Variants in ROBO2 observed in about 807,000 individuals in gnomAD.
The protein encoded by ROBO2 is roundabout guidance receptor 2, also known as roundabout homolog 2.
ROBO2 carries 53 observed loss-of-function variants against 160.8 expected under a neutral mutation model. That is an observed-to-expected ratio of 0.33 (90% CI 0.26 to 0.41). The LOEUF is 0.41. Among genes scored for constraint, ROBO2 ranks in the 10% least tolerant of loss-of-function variants. The probability of loss-of-function intolerance (pLI) is 1.00; values close to 1 mark genes in which losing one functional copy is unlikely to be tolerated. For synonymous variants in ROBO2, 664 were observed against 611.7 expected (o/e 1.09, Z -1.26); for missense variants, 1,577 against 1,722.4 (o/e 0.92, Z 1.49).
chr3:77,625,103 A>G (rs771943721), intron 23 of ROBO2, among the ~76,000 whole-genome samples: 5 of 152,178 alleles, frequency 3.3e-5, no homozygotes, highest in Non-Finnish European at 7.3e-5. Flanking sequence ...TATAACAACT[A>G]ATTTGTGAGG....
At chr3:77,225,550 A>G (rs935663815) in intron 2 of ROBO2, among the ~76,000 whole-genome samples, 1 of 151,872 alleles carries the variant, frequency 6.6e-6, no homozygotes, top group African/African-American at 2.4e-5. Context: ...GCCGTGCATT[A>G]TCAGGCAACC....
chr3:77,407,623 A>G (rs2076357340), intron 2 of ROBO2, among the ~76,000 whole-genome samples: 1 of 152,222 alleles, frequency 6.6e-6, no homozygotes, highest in Non-Finnish European at 1.5e-5. Context: ...ATGTATCAGG[A>G]GTTAATTAAG....
At position 77,518,818 on chromosome 3, in the gene ROBO2, G is replaced by A. The variant is rs188947545; in HGVS notation, c.807-3957G>A. ...TACTAATTCCTAGGAACTATGCTGG[G>A]CACTGTTATAGGCTAGACCGTTAAA... On this transcript the variant is annotated intron_variant, in intron 5 of 25. Coordinates refer to ENST00000461745, the Ensembl canonical transcript of ROBO2. Among the ~76,000 whole-genome samples, 518 of 151,530 alleles carry A rather than the reference G, an allele frequency of 3.4e-3. 6 individuals carry two copies. The highest frequency in any genetic ancestry group is 0.012 in the African/African-American group (498 of 41,438).
At chr3:77,566,751 G>T (rs1261531276) in intron 12 of ROBO2, among the ~76,000 whole-genome samples, 1 of 152,016 alleles carries the variant, frequency 6.6e-6, no homozygotes, top group African/African-American at 2.4e-5. Context: ...AGAATATATA[G>T]AGTGAAAGAC....
intron 2 of ROBO2, among the ~76,000 whole-genome samples, chr3:76,545,911 A>G (rs17800491): frequency 0.047 from 7,184 of 151,906 alleles, 197 homozygotes; most frequent in African/African-American, 0.075. Flanking sequence ...CGAAAACAGT[A>G]TATTTCCATG....
At chr3:76,474,806 C>G (rs1391075356) in intron 2 of ROBO2, among the ~76,000 whole-genome samples, 2 of 152,112 alleles carry the variant, frequency 1.3e-5, no homozygotes, top group African/African-American at 4.8e-5. Flanking sequence ...ACTCTTGCAT[C>G]TGCAGATTCG....
intron 2 of ROBO2, among the ~76,000 whole-genome samples, chr3:77,128,549 T>C (rs1246339875): frequency 6.6e-6 from 1 of 152,244 alleles, no homozygotes; most frequent in African/African-American, 2.4e-5. Context: ...TTGTGTGTAC[T>C]GTGTTTTGCA....
intron 2 of ROBO2, among the ~76,000 whole-genome samples, chr3:76,237,706 A>G (rs1705028908): frequency 6.6e-6 from 1 of 152,224 alleles, no homozygotes; most frequent in Non-Finnish European, 1.5e-5. Context: ...TAAGCTTGGT[A>G]TCACCCAGGA....
chr3:76,333,344 A>G (rs1282535715), intron 2 of ROBO2, among the ~76,000 whole-genome samples: 7 of 152,294 alleles, frequency 4.6e-5, no homozygotes, highest in East Asian at 1.9e-4. Flanking sequence ...CCCTTCTGCA[A>G]GTGTACGCAG....
intron 2 of ROBO2, among the ~76,000 whole-genome samples, chr3:76,787,142 C>A (rs1407148898): frequency 6.6e-6 from 1 of 151,216 alleles, no homozygotes; most frequent in Non-Finnish European, 1.5e-5. Context: ...CACCTCCCAC[C>A]ATGTCCCTCA....
intron 2 of ROBO2, among the ~76,000 whole-genome samples, chr3:77,397,639 T>C (rs1481892215): frequency 1.3e-5 from 2 of 152,120 alleles, no homozygotes; most frequent in Non-Finnish European, 2.9e-5. Flanking sequence ...TTTTGGCAAA[T>C]GTGTGTGTGT....
At chr3:76,450,136 C>A (rs1167815959) in intron 2 of ROBO2, among the ~76,000 whole-genome samples, 3 of 152,056 alleles carry the variant, frequency 2.0e-5, no homozygotes, top group Admixed American at 6.6e-5. Context: ...GTATTCTTAG[C>A]CCTGTGGTTT....
chr3:76,895,178 C>T (rs1231501589), intron 2 of ROBO2, among the ~76,000 whole-genome samples: 1 of 151,996 alleles, frequency 6.6e-6, no homozygotes, highest in East Asian at 1.9e-4. Context: ...TCTGGGTGAT[C>T]ATTTTTTTCT....
chr3:76,242,251 G>C (rs538377419), intron 2 of ROBO2, among the ~76,000 whole-genome samples: 2,091 of 152,146 alleles, frequency 0.014, 54 homozygotes, highest in African/African-American at 0.048. Context: ...GTGCACTCTT[G>C]GCTACTAAAA....
intron 2 of ROBO2, among the ~76,000 whole-genome samples, chr3:76,792,598 A>C (rs1215036170): frequency 6.6e-6 from 1 of 151,776 alleles, no homozygotes; most frequent in African/African-American, 2.4e-5. Flanking sequence ...GCAATATTAC[A>C]TATAAAGTTT....
intron 2 of ROBO2, among the ~76,000 whole-genome samples, chr3:76,629,273 G>C (rs1334801660): frequency 4.6e-5 from 7 of 152,112 alleles, no homozygotes; most frequent in African/African-American, 7.2e-5. Context: ...TTTCTTTATT[G>C]TGTACAACTA....
chr3:77,593,349 C>G (rs2094222698), intron 17 of ROBO2, among the ~76,000 whole-genome samples: 2 of 152,030 alleles, frequency 1.3e-5, no homozygotes, highest in Non-Finnish European at 2.9e-5. Context: ...TTAATTATTT[C>G]AGATTAATTC....
At chr3:76,928,743 G>T (rs2077142724) in intron 2 of ROBO2, among the ~76,000 whole-genome samples, 1 of 152,100 alleles carries the variant, frequency 6.6e-6, no homozygotes, top group South Asian at 2.1e-4. Context: ...CCACAGTTTT[G>T]TTAGTCTCTC....
intron 2 of ROBO2, among the ~76,000 whole-genome samples, chr3:76,788,785 G>A (rs559776203): frequency 4.0e-5 from 6 of 151,410 alleles, no homozygotes; most frequent in Middle Eastern, 3.4e-3. Context: ...TTCAGTAGTC[G>A]GGCCTTTGAT....
Sources: allele counts gnomAD v4.1 joint callset (sites outside exome capture counted in the v4.1 genomes callset), GRCh38; gene constraint gnomAD v4.1.1; transcripts MANE v1.5; gene names NCBI Gene and HGNC (gene_info 2026-07-23, HGNC 2026-07-21).